Variants in ERBIN observed in about 807,000 individuals in gnomAD.
ERBIN encodes densin-180-like protein.
ERBIN carries 60 observed loss-of-function variants against 158.4 expected under a neutral mutation model. That is an observed-to-expected ratio of 0.38 (90% confidence interval 0.31 to 0.47). The LOEUF is 0.47. ERBIN is among the 20% of genes least tolerant of loss of function. The pLI, the probability that ERBIN is intolerant of heterozygous loss-of-function variation, is 0.99. For synonymous variants in ERBIN, 594 were observed against 557.2 expected (o/e 1.07, Z -0.93); for missense variants, 1,610 against 1,648.0 (o/e 0.98, Z 0.40).
intron 18 of ERBIN, among the ~76,000 whole-genome samples, chr5:66,047,888 A>G (rs1279628109): frequency 6.6e-6 from 1 of 152,018 alleles, no homozygotes; most frequent in Non-Finnish European, 1.5e-5. Flanking sequence ...CTAAGGTGGC[A>G]GAATGGATAA....
intron 1 of ERBIN, among the ~76,000 whole-genome samples, chr5:65,965,520 T>A (rs1405288288): frequency 6.6e-6 from 1 of 151,392 alleles, no homozygotes; most frequent in African/African-American, 2.4e-5. Flanking sequence ...TTCTCCTGTC[T>A]CAGCCTCTCA....
In ERBIN at chr5:66,030,651, C is replaced by T. The variant is rs948984228; in HGVS notation, c.1206+2308C>T. On this transcript the variant is annotated intron_variant, in intron 14 of 25. Transcript: ENST00000284037. The stretch of plus-strand genomic sequence containing the variant: ...AATTAAGACTCACTGGAATCTTCAC[C>T]TCCTGGGCTCAAGCAATCCTCCCAC... Among the ~76,000 whole-genome samples, 9 of 151,392 alleles carry T rather than the reference C, an allele frequency of 5.9e-5. No homozygotes were observed. In the South Asian group the frequency reaches 1.5e-3, roughly 25 times the overall value.
Position 66,054,165 on chromosome 5 carries a change from T to C in ERBIN, c.2847T>C (p.Asn949=). 1 of 1,614,158 alleles carries C rather than the reference T, an allele frequency of 6.2e-7. No homozygotes were observed. Among genetic ancestry groups the C allele is most frequent in the Non-Finnish European group, 8.5e-7 (1 of 1,180,038 alleles). ...AGGCAATTTTCAAGTTTGATTCAAATCATAATCCCGAAGAGCCAAATATAA... is the reference window on the plus strand; with the variant it reads ...AGGCAATTTTCAAGTTTGATTCAAACCATAATCCCGAAGAGCCAAATATAA... ...GTKAIFKFDS[N]HNPEEPNIIR... is the part of the protein sequence containing the mutation. Residue 949 remains asparagine (N), a synonymous_variant, in exon 21 of 26, where the codon AAT becomes AAC. Coordinates refer to ENST00000284037, the MANE Select transcript of ERBIN (RefSeq NM_001253697.2).
chr5:65,932,244 CAGG>C (rs2150839377), intron 1 of ERBIN, among the ~76,000 whole-genome samples: 1 of 149,710 alleles, frequency 6.7e-6, no homozygotes, highest in East Asian at 2.0e-4. Context: ...GAGGCTGAGG[CAGG>C]AGAATTGCCT....
intron 14 of ERBIN, among the ~76,000 whole-genome samples, chr5:66,030,395 A>T (rs1202524320): frequency 6.6e-6 from 1 of 152,016 alleles, no homozygotes; most frequent in African/African-American, 2.4e-5. Flanking sequence ...TGTGGAACTG[A>T]TTTCTCTTAA....
At chr5:66,051,894 C>CAA (rs35074022) in intron 20 of ERBIN, among the ~76,000 whole-genome samples, 2,365 of 138,692 alleles carry the variant, frequency 0.017, 72 homozygotes, top group Middle Eastern at 0.074. Flanking sequence ...GGCCTTGTCT[C>CAA]AAAAAAAAAA....
intron 4 of ERBIN, among the ~76,000 whole-genome samples, chr5:66,000,145 G>T (rs1324503527): frequency 6.6e-6 from 1 of 152,036 alleles, no homozygotes; most frequent in Non-Finnish European, 1.5e-5. Flanking sequence ...AGATAATTTG[G>T]GTATTGATTA....
At chr5:66,026,880 G>A (rs541796829) in intron 13 of ERBIN, among the ~76,000 whole-genome samples, 12 of 151,928 alleles carry the variant, frequency 7.9e-5, no homozygotes, top group Admixed American at 6.6e-4. Context: ...ATCTTCACCT[G>A]AATATTGCTA....
At chr5:66,032,458 G>T (rs1044593505) in intron 14 of ERBIN, among the ~76,000 whole-genome samples, 1 of 152,174 alleles carries the variant, frequency 6.6e-6, no homozygotes, top group Admixed American at 6.5e-5. Context: ...ACATGTATAA[G>T]TTGTGTCTGT....
At chr5:65,961,744 C>T (rs1363799697) in intron 1 of ERBIN, among the ~76,000 whole-genome samples, 1 of 152,048 alleles carries the variant, frequency 6.6e-6, no homozygotes, top group Non-Finnish European at 1.5e-5. Flanking sequence ...CTGTAGTCTA[C>T]TTCTTTTACA....
intron 4 of ERBIN, among the ~76,000 whole-genome samples, chr5:65,997,927 T>TACACACACACACACAC (rs60768327): frequency 2.4e-4 from 36 of 150,312 alleles, no homozygotes; most frequent in African/African-American, 7.8e-4. Context: ...GGTGTCTGTC[T>TACACACACACACACAC]ACACACACAC....
chr5:65,976,931 C>T (rs1468205557), intron 1 of ERBIN, among the ~76,000 whole-genome samples: 156 of 152,182 alleles, frequency 1.0e-3, no homozygotes, highest in African/African-American at 3.7e-3. Context: ...TACACAGACA[C>T]GGCAGCCATC....
chr5:66,065,616 TG>T (rs1760902691), intron 21 of ERBIN, among the ~76,000 whole-genome samples: 1 of 107,406 alleles, frequency 9.3e-6, no homozygotes, highest in Admixed American at 8.7e-5. Flanking sequence ...TGTGTGTGTG[TG>T]TGTGTGTGTG....
chr5:65,947,776 G>A (rs1745952227), intron 1 of ERBIN, among the ~76,000 whole-genome samples: 1 of 152,118 alleles, frequency 6.6e-6, no homozygotes, highest in Admixed American at 6.5e-5. Context: ...GGAGGCCGAG[G>A]CAGGCAGATC....
At position 66,023,265 on chromosome 5, in the gene ERBIN, C is replaced by G. The variant is rs1316623696; in HGVS notation, c.598-25C>G. Reference sequence around the variant, plus strand: ...TTCATAAAAATTAATTGAATTACTGCTATCCCCTACCCTAATCCCAACAGC... The same window carrying G: ...TTCATAAAAATTAATTGAATTACTGGTATCCCCTACCCTAATCCCAACAGC... On this transcript the variant is annotated intron_variant, in intron 8 of 25. Coordinates refer to ENST00000284037, the MANE Select transcript of ERBIN (RefSeq NM_001253697.2). The G allele has an allele frequency of 4.5e-6, 7 of 1,567,806 alleles. No homozygotes were observed. The East Asian group carries it at 1.6e-4, about 35-fold the overall frequency.
intron 21 of ERBIN, among the ~76,000 whole-genome samples, chr5:66,067,666 T>G (rs1196272813): frequency 1.3e-5 from 2 of 152,232 alleles, no homozygotes; most frequent in Non-Finnish European, 2.9e-5. Context: ...TCCTAAAATA[T>G]AGTGATCTTT....
intron 15 of ERBIN, among the ~76,000 whole-genome samples, chr5:66,038,917 A>G (rs1412897835): frequency 6.6e-6 from 1 of 152,014 alleles, no homozygotes; most frequent in Admixed American, 6.6e-5. Context: ...TTGCCCGACA[A>G]GGGGGAGTAT....
intron 15 of ERBIN, among the ~76,000 whole-genome samples, chr5:66,039,059 C>T (rs897159851): frequency 6.7e-6 from 1 of 149,650 alleles, no homozygotes; most frequent in African/African-American, 2.5e-5. Flanking sequence ...TTGTGTTACA[C>T]TTAAAGTAAC....
chr5:66,075,897 G>T (rs1561462228), intron 23 of ERBIN, among the ~76,000 whole-genome samples: 1 of 151,934 alleles, frequency 6.6e-6, no homozygotes, highest in Non-Finnish European at 1.5e-5. Flanking sequence ...AACCACCAGT[G>T]GATCTTTTAG....
Sources: allele counts gnomAD v4.1 joint callset (sites outside exome capture counted in the v4.1 genomes callset), GRCh38; gene constraint gnomAD v4.1.1; transcripts MANE v1.5; gene names NCBI Gene and HGNC (gene_info 2026-07-23, HGNC 2026-07-21).